The following BCAS3 variants were observed in gnomAD, a reference collection of about 807,000 sequenced individuals.
BCAS3 encodes the protein BCAS4/BCAS3 fusion.
In BCAS3, 53 loss-of-function variants were observed where a neutral mutation model predicts 116.1. The observed-to-expected ratio is 0.46, with a 90% CI of 0.37 to 0.57. BCAS3 has a LOEUF of 0.57. BCAS3 is among the 20% of genes least tolerant of loss of function. The pLI is 0.00. For synonymous variants in BCAS3, 391 were observed against 408.2 expected, an observed-to-expected ratio of 0.96 and a Z score of 0.51; for missense variants, 917 against 1,165.4, an observed-to-expected ratio of 0.79 and a Z score of 3.10.
intron 22 of BCAS3, among the ~76,000 whole-genome samples, chr17:61,218,999 G>A (rs1206914784): frequency 1.3e-5 from 2 of 152,164 alleles, no homozygotes; most frequent in Admixed American, 1.3e-4. Context: ...AACACAAGTA[G>A]TGTCACTTGA....
At chr17:61,006,102 C>A (rs1320984866) in intron 15 of BCAS3, among the ~76,000 whole-genome samples, 1 of 152,036 alleles carries the variant, frequency 6.6e-6, no homozygotes, top group Non-Finnish European at 1.5e-5. Flanking sequence ...CCAATTTCAT[C>A]CATGTCCCTA....
At chr17:60,929,846 T>A (rs982717634) in intron 13 of BCAS3, among the ~76,000 whole-genome samples, 3 of 151,608 alleles carry the variant, frequency 2.0e-5, no homozygotes, top group Admixed American at 1.3e-4. Flanking sequence ...TGCAATAGTT[T>A]ACTGAGAATG....
chr17:60,762,383 G>A (rs2043629060), intron 6 of BCAS3, among the ~76,000 whole-genome samples: 1 of 152,182 alleles, frequency 6.6e-6, no homozygotes, highest in Non-Finnish European at 1.5e-5. Context: ...TGTGTAAAGT[G>A]TAAGGAAGGG....
Position 61,302,930 on chromosome 17 carries a change from C to T in BCAS3, c.2426-65397C>T, listed in dbSNP as rs1357210455. Among the ~76,000 whole-genome samples the T allele has an allele frequency of 6.6e-6, 1 of 152,138 alleles. No homozygotes were observed. On this transcript the variant is annotated intron_variant, in intron 22 of 23. Coordinates refer to ENST00000407086, the MANE Select transcript of BCAS3 (RefSeq NM_017679.5). This position sits in a 1 kb window ranked among gnomAD's most constrained non-coding sequence, Gnocchi z 4.4. ...AGAAGACCATCTATCTCTAAGGTCC[C>T]TTCCAGTGCCATCTGACCATCCATG... is the stretch of plus-strand genomic sequence containing the variant.
chr17:60,948,610 A>C (rs1437386809), intron 14 of BCAS3, among the ~76,000 whole-genome samples: 1 of 152,208 alleles, frequency 6.6e-6, no homozygotes, highest in African/African-American at 2.4e-5. Flanking sequence ...ATTTTCCAAC[A>C]GTCTAAAGTG....
intron 22 of BCAS3, among the ~76,000 whole-genome samples, chr17:61,165,137 T>A (rs2078410590): frequency 6.6e-6 from 1 of 152,228 alleles, no homozygotes; most frequent in Admixed American, 6.5e-5. Flanking sequence ...GCCCTTTCCT[T>A]ACCTAATAAT....
chr17:60,696,856 C>T (rs1236060254), intron 4 of BCAS3, among the ~76,000 whole-genome samples: 1 of 152,146 alleles, frequency 6.6e-6, no homozygotes, highest in African/African-American at 2.4e-5. Context: ...ATGTTATTTT[C>T]TGCCCCTATC....
chr17:60,745,196 A>G (rs1030995277), intron 5 of BCAS3, among the ~76,000 whole-genome samples: 7 of 151,994 alleles, frequency 4.6e-5, no homozygotes, highest in Non-Finnish European at 8.8e-5. Context: ...ATAAGTGTAA[A>G]GTGAGAAGTA....
intron 16 of BCAS3, among the ~76,000 whole-genome samples, chr17:61,027,741 T>A (rs918014761): frequency 6.6e-6 from 1 of 151,886 alleles, no homozygotes; most frequent in African/African-American, 2.4e-5. Context: ...TCTTATTTCC[T>A]TATGTATTAA....
At chr17:61,045,741 A>T (rs1401431866) in intron 19 of BCAS3, among the ~76,000 whole-genome samples, 1 of 134,192 alleles carries the variant, frequency 7.5e-6, no homozygotes, top group Non-Finnish European at 1.6e-5. Context: ...GCTTGAACTC[A>T]GGAGTTGGAG....
chr17:61,274,507 T>G (rs2050610057), intron 22 of BCAS3, among the ~76,000 whole-genome samples: 1 of 152,104 alleles, frequency 6.6e-6, no homozygotes, highest in African/African-American at 2.4e-5. Context: ...CAGGCTGGTC[T>G]CAAACTCCTG....
chr17:60,913,722 A>AT (rs34786333), intron 12 of BCAS3, among the ~76,000 whole-genome samples: 16 of 151,960 alleles, frequency 1.1e-4, no homozygotes, highest in East Asian at 5.8e-4. Flanking sequence ...TTTGATAATG[A>AT]TTTTTTTTGT....
Position 61,323,858 on chromosome 17 carries a change from T to G in BCAS3, c.2426-44469T>G, listed in dbSNP as rs1455772751. On this transcript the variant is annotated intron_variant, in intron 22 of 23. Coordinates refer to ENST00000407086, the MANE Select transcript of BCAS3 (RefSeq NM_017679.5). This position sits in a 1 kb window ranked among gnomAD's most constrained non-coding sequence, Gnocchi z 4.6. Reference sequence around the variant, plus strand: ...CTTATCCATGGCCCCCTGGCCCCTGTGTGGGTTCCTTGGCTCCGTGTTTCT... The same window carrying G: ...CTTATCCATGGCCCCCTGGCCCCTGGGTGGGTTCCTTGGCTCCGTGTTTCT... Among the ~76,000 whole-genome samples, 1 of 152,248 alleles carries G rather than the reference T, an allele frequency of 6.6e-6. No individual in the cohort carries two copies. Among genetic ancestry groups the G allele is most frequent in the Non-Finnish European group, 1.5e-5 (1 of 68,040 alleles).
chr17:61,212,353 T>A (rs538348248), intron 22 of BCAS3, among the ~76,000 whole-genome samples: 10 of 152,256 alleles, frequency 6.6e-5, no homozygotes, highest in Non-Finnish European at 8.8e-5. Context: ...TCCTCCATCC[T>A]CAGCCTCCCA....
rs1402815205 is a variant in BCAS3, at chr17:61,131,775, G to T, written c.2425+47211G>T. On this transcript the variant is annotated intron_variant, in intron 22 of 23. Transcript: ENST00000407086. This position sits in a 1 kb window ranked among gnomAD's most constrained non-coding sequence, Gnocchi z 4.4. The stretch of plus-strand genomic sequence containing the variant: ...GCTGAGCAGAAACACTCATGAAGGA[G>T]CCCTGATTAAAAAGAGTGGTAATGA... Among the ~76,000 whole-genome samples the T allele has an allele frequency of 6.6e-6, 1 of 152,202 alleles. No individual in the cohort carries two copies. The highest frequency in any genetic ancestry group is 1.5e-5 in the Non-Finnish European group (1 of 68,042).
chr17:60,999,268 G>A (rs933744982), intron 15 of BCAS3, among the ~76,000 whole-genome samples: 7 of 151,978 alleles, frequency 4.6e-5, no homozygotes, highest in South Asian at 4.1e-4. Context: ...GGTCAGGCGC[G>A]GTGGCTCACG....
intron 22 of BCAS3, among the ~76,000 whole-genome samples, chr17:61,247,107 A>G (rs1698943747): frequency 6.6e-6 from 1 of 152,190 alleles, no homozygotes; most frequent in Non-Finnish European, 1.5e-5. Flanking sequence ...TTCCATGAGA[A>G]ATTATCACAG....
chr17:60,868,963 A>T (rs758431349), intron 8 of BCAS3, among the ~76,000 whole-genome samples: 10 of 152,210 alleles, frequency 6.6e-5, no homozygotes, highest in Non-Finnish European at 1.2e-4. Context: ...GAGCAAACTT[A>T]AAAAGGTTAA....
At chr17:60,730,650 C>T (rs1375426428) in intron 5 of BCAS3, among the ~76,000 whole-genome samples, 2 of 152,152 alleles carry the variant, frequency 1.3e-5, no homozygotes, top group Non-Finnish European at 2.9e-5. Flanking sequence ...ATTAGGAAAA[C>T]TTTCCTCAAA....
Sources: allele counts gnomAD v4.1 joint callset (sites outside exome capture counted in the v4.1 genomes callset), GRCh38; gene constraint gnomAD v4.1.1; non-coding constraint Gnocchi (gnomAD v3.1); transcripts MANE v1.5; gene names NCBI Gene and HGNC (gene_info 2026-07-23, HGNC 2026-07-21).